CAMKMT: variants seen among roughly 807,000 people sequenced by gnomAD.
CAMKMT encodes calmodulin-lysine N-methyltransferase.
Under a neutral mutation model 48.0 loss-of-function variants are expected in CAMKMT, and 53 were observed. The observed-to-expected ratio is 1.10, with a 90% CI of 0.89 to 1.39. The LOEUF (loss-of-function observed/expected upper bound fraction) is 1.39. Among genes scored for constraint, CAMKMT ranks in the 40% most tolerant of loss-of-function variants. The pLI, the probability that CAMKMT is intolerant of heterozygous loss-of-function variation, is 0.00. For missense variants in CAMKMT, 428 were observed against 402.7 expected, an observed-to-expected ratio of 1.06 and a Z score of -0.54; for synonymous variants, 165 against 152.3, an observed-to-expected ratio of 1.08 and a Z score of -0.61.
rs1420294640 is a variant in CAMKMT at position 44,766,501 on chromosome 2, T to G, written c.834T>G (p.Ala278=). ...LNQFCNLAEK[A]GFCIQRHENY... ...AGTTTTGCAATCTAGCTGAAAAAGC[T>G]GGTTTCTGTATCCAAAGACATGAAA... Residue 278 remains alanine, a synonymous_variant, in exon 10 of 11, where the codon GCT becomes GCG. Transcript: ENST00000378494. The G allele has an allele frequency of 1.9e-5, 30 of 1,614,082 alleles. No individual in the cohort carries two copies. Among genetic ancestry groups the G allele is most frequent in the Non-Finnish European group, 2.4e-5 (28 of 1,180,028 alleles).
intron 3 of CAMKMT, among the ~76,000 whole-genome samples, chr2:44,429,860 G>T (rs1046814075): frequency 6.6e-6 from 1 of 151,082 alleles, no homozygotes; most frequent in African/African-American, 2.4e-5. Flanking sequence ...TCAGAGTCAG[G>T]TGCTAATTTA....
chr2:44,632,337 T>G (rs1672880990), intron 3 of CAMKMT, among the ~76,000 whole-genome samples: 1 of 152,194 alleles, frequency 6.6e-6, no homozygotes, highest in Admixed American at 6.5e-5. Context: ...GAATACTGAG[T>G]TGATGTCATT....
At chr2:44,402,595 T>G (rs1682478167) in intron 3 of CAMKMT, among the ~76,000 whole-genome samples, 1 of 151,884 alleles carries the variant, frequency 6.6e-6, no homozygotes, top group South Asian at 2.1e-4. Flanking sequence ...GAAAGTCATA[T>G]TTTTCAGTCT....
At chr2:44,772,005 C>T (rs771840319) in intron 10 of CAMKMT, 31 bp from the exon 11 acceptor site, 24 of 1,508,830 alleles carry the variant, frequency 1.6e-5, no homozygotes, top group Admixed American at 3.4e-5. Flanking sequence ...TTGGAGTCCC[C>T]TTACCTTTTT....
intron 3 of CAMKMT, among the ~76,000 whole-genome samples, chr2:44,605,852 T>C (rs1671250442): frequency 6.6e-6 from 1 of 152,106 alleles, no homozygotes; most frequent in Non-Finnish European, 1.5e-5. Flanking sequence ...TATGTTGGCA[T>C]AGAAGGAAAA....
intron 4 of CAMKMT, among the ~76,000 whole-genome samples, chr2:44,704,567 A>G (rs538054510): frequency 2.6e-5 from 4 of 152,210 alleles, no homozygotes; most frequent in African/African-American, 9.6e-5. Flanking sequence ...ATTGCACAGC[A>G]AGGTTTTTGC....
At chr2:44,631,769 C>T (rs1672848887) in intron 3 of CAMKMT, 1 of 363,360 alleles carries the variant, frequency 2.8e-6, no homozygotes. Context: ...CTTTTTTGTT[C>T]ATTATTCTTT....
chr2:44,717,855 A>C (rs1020028739), intron 7 of CAMKMT, among the ~76,000 whole-genome samples: 20 of 152,104 alleles, frequency 1.3e-4, no homozygotes, highest in African/African-American at 4.1e-4. Context: ...AAAAAAAAAA[A>C]AAAACAAGCT....
intron 3 of CAMKMT, among the ~76,000 whole-genome samples, chr2:44,519,150 G>C (rs746576534): frequency 2.0e-5 from 3 of 152,196 alleles, no homozygotes; most frequent in Non-Finnish European, 4.4e-5. Context: ...CAGCATAATA[G>C]AGTGCTAGCA....
intron 3 of CAMKMT, among the ~76,000 whole-genome samples, chr2:44,480,820 G>A (rs1023485922): frequency 2.0e-5 from 3 of 151,960 alleles, no homozygotes; most frequent in African/African-American, 7.2e-5. Context: ...CTAATCTAAA[G>A]CTGTGAAATG....
At chr2:44,389,778 G>C (rs1681144128) in intron 2 of CAMKMT, among the ~76,000 whole-genome samples, 1 of 152,158 alleles carries the variant, frequency 6.6e-6, no homozygotes, top group African/African-American at 2.4e-5. Context: ...ATTCATAACT[G>C]TCTGTAGATG....
At position 44,361,976 on chromosome 2, in the gene CAMKMT, T is replaced by C; in HGVS notation, c.-32T>C. The C allele has an allele frequency of 7.3e-7, 1 of 1,362,666 alleles. No homozygotes were observed. Among genetic ancestry groups the C allele is most frequent in the Non-Finnish European group, 9.4e-7 (1 of 1,061,578 alleles). The allele number at this position is 1,362,666 out of a possible 1,614,324, so 84.4% of individuals were successfully genotyped here. The stretch of plus-strand genomic sequence containing the variant: ...CCTGGCAGGGGACGAGCTGCGGCGG[T>C]GGCACCTCCGGGTGTGGAAGGCTCC... On this transcript the variant is annotated 5_prime_UTR_variant, in exon 1 of 11. Coordinates refer to ENST00000378494, the MANE Select transcript of CAMKMT (RefSeq NM_024766.5).
intron 3 of CAMKMT, among the ~76,000 whole-genome samples, chr2:44,674,223 G>T (rs1675537189): frequency 6.6e-6 from 1 of 152,186 alleles, no homozygotes; most frequent in South Asian, 2.1e-4. Context: ...TTTGAATGAT[G>T]TAAGAAGGAA....
At chr2:44,523,292 C>CTTT (rs869152391) in intron 3 of CAMKMT, among the ~76,000 whole-genome samples, 1 of 131,262 alleles carries the variant, frequency 7.6e-6, no homozygotes. Context: ...AGGGGACCCA[C>CTTT]TTTTTTTTTT....
At chr2:44,762,841 T>C (rs1443347037) in intron 9 of CAMKMT, among the ~76,000 whole-genome samples, 1 of 152,202 alleles carries the variant, frequency 6.6e-6, no homozygotes, top group African/African-American at 2.4e-5. Context: ...TCTCTTAAAT[T>C]TCTGCTCATC....
At chr2:44,575,530 C>T (rs913716816) in intron 3 of CAMKMT, among the ~76,000 whole-genome samples, 2 of 152,124 alleles carry the variant, frequency 1.3e-5, no homozygotes, top group East Asian at 1.9e-4. Context: ...AAACATGACA[C>T]CCTTACAGAT....
chr2:44,432,671 A>G (rs141420222), intron 3 of CAMKMT, among the ~76,000 whole-genome samples: 11 of 152,286 alleles, frequency 7.2e-5, no homozygotes, highest in Middle Eastern at 3.4e-3. Context: ...GATACTTCAG[A>G]TAGAGGCAGA....
chr2:44,578,958 A>G (rs183474924), intron 3 of CAMKMT, among the ~76,000 whole-genome samples: 2 of 152,334 alleles, frequency 1.3e-5, no homozygotes, highest in East Asian at 3.9e-4. Flanking sequence ...GGAATAAATA[A>G]TGTCTCAAAG....
chr2:44,750,432 C>G (rs1190894515), intron 8 of CAMKMT, among the ~76,000 whole-genome samples: 1 of 152,182 alleles, frequency 6.6e-6, no homozygotes, highest in Non-Finnish European at 1.5e-5. Context: ...GCTGGGATTA[C>G]AGGTTTGAGC....
Sources: allele counts gnomAD v4.1 joint callset (sites outside exome capture counted in the v4.1 genomes callset), GRCh38; gene constraint gnomAD v4.1.1; transcripts MANE v1.5; gene names NCBI Gene and HGNC (gene_info 2026-07-23, HGNC 2026-07-21).